BPGM: variants seen among roughly 807,000 people sequenced by gnomAD.
The protein encoded by BPGM is 2,3-bisphosphoglycerate mutase, erythrocyte.
Under a neutral mutation model 21.6 loss-of-function variants are expected in BPGM, and 15 were observed. The ratio of observed to expected loss-of-function variants is 0.70; its 90% CI spans 0.47 to 1.07. The LOEUF (loss-of-function observed/expected upper bound fraction) is 1.07, where lower values mean the gene tolerates loss of function less well. Among genes scored for constraint, BPGM ranks in the 50% least tolerant of loss-of-function variants. BPGM has a pLI of 0.00. For missense variants in BPGM, 273 were observed against 319.0 expected (o/e 0.86, Z 1.10); for synonymous variants, 113 against 116.2 (o/e 0.97, Z 0.18).
intron 2 of BPGM, among the ~76,000 whole-genome samples, chr7:134,668,906 T>G (rs1277919352): frequency 6.6e-6 from 1 of 151,982 alleles, no homozygotes; most frequent in African/African-American, 2.4e-5. Context: ...ATTGGTGGGG[T>G]AAGAGTAGGC....
At chr7:134,669,735 A>G (rs1795875936) in intron 2 of BPGM, among the ~76,000 whole-genome samples, 1 of 152,176 alleles carries the variant, frequency 6.6e-6, no homozygotes, top group Admixed American at 6.6e-5. Context: ...AGATTGCTTT[A>G]CTTTTAATCT....
At chr7:134,657,839 G>C (rs1341423613) in intron 1 of BPGM, among the ~76,000 whole-genome samples, 1 of 152,114 alleles carries the variant, frequency 6.6e-6, no homozygotes, top group African/African-American at 2.4e-5. Flanking sequence ...GGGGATTAGA[G>C]GGTCTGTCCT....
At chr7:134,650,811 G>A (rs149139288) in intron 1 of BPGM, among the ~76,000 whole-genome samples, 89 of 152,276 alleles carry the variant, frequency 5.8e-4, no homozygotes, top group African/African-American at 1.8e-3. Flanking sequence ...TGTGGTCCCC[G>A]CTACTCAGGA....
At chr7:134,671,895 T>C (rs539240954) in intron 2 of BPGM, among the ~76,000 whole-genome samples, 1 of 152,322 alleles carries the variant, frequency 6.6e-6, no homozygotes, top group Non-Finnish European at 1.5e-5. Context: ...TTGTTCCTGC[T>C]CTCAAGGAAT....
At chr7:134,676,393 T>A (rs529692261) in intron 2 of BPGM, among the ~76,000 whole-genome samples, 1 of 152,274 alleles carries the variant, frequency 6.6e-6, no homozygotes, top group African/African-American at 2.4e-5. Context: ...ACTTTTGTTA[T>A]CTTTTAACAA....
intron 2 of BPGM, among the ~76,000 whole-genome samples, chr7:134,673,400 G>A (rs1049253546): frequency 2.6e-5 from 4 of 151,962 alleles, no homozygotes; most frequent in African/African-American, 4.8e-5. Context: ...ATATTACGGC[G>A]GCCTTTGTTT....
chr7:134,669,646 T>C (rs1382670733), intron 2 of BPGM, among the ~76,000 whole-genome samples: 3 of 152,214 alleles, frequency 2.0e-5, no homozygotes, highest in Non-Finnish European at 4.4e-5. Context: ...ACAGGCTTCC[T>C]GGCTGATGGG....
intron 1 of BPGM, chr7:134,647,409 T>A (rs997040462): frequency 1.3e-5 from 2 of 152,090 alleles, no homozygotes; most frequent in Non-Finnish European, 2.9e-5. Flanking sequence ...GAGAAGGAGG[T>A]GAATATATGC....
chr7:134,656,129 T>C (rs1795633742), intron 1 of BPGM, among the ~76,000 whole-genome samples: 1 of 152,144 alleles, frequency 6.6e-6, no homozygotes, highest in Non-Finnish European at 1.5e-5. Context: ...ACCTACTAAA[T>C]CAAGCTCTGG....
chr7:134,648,853 A>G (rs946120640), intron 1 of BPGM, among the ~76,000 whole-genome samples: 1 of 152,216 alleles, frequency 6.6e-6, no homozygotes, highest in African/African-American at 2.4e-5. Flanking sequence ...TATCTGAGAT[A>G]TAAACTCTGT....
chr7:134,679,127 G>A lies in BPGM; in HGVS notation c.*96G>A. 7.2e-7 allele frequency: 1 copy of A among 1,396,150 alleles called. No individual in the cohort carries two copies. Among genetic ancestry groups the A allele is most frequent in the Non-Finnish European group, 9.9e-7 (1 of 1,008,544 alleles). The allele number at this position is 1,396,150 out of a possible 1,614,324, so 86.5% of individuals were successfully genotyped here. ...CTCTCTCTTTTTCCCCGATTTTCCA[G>A]AGCTAGGCTGTGGAGTAGAGTTTGT... is the stretch of plus-strand genomic sequence containing the variant. On this transcript the variant is annotated 3_prime_UTR_variant, in exon 3 of 3. Coordinates refer to ENST00000344924, the MANE Select transcript of BPGM (RefSeq NM_001724.5).
chr7:134,667,319 T>C (rs754764303), intron 2 of BPGM, among the ~76,000 whole-genome samples: 51 of 152,198 alleles, frequency 3.4e-4, no homozygotes, highest in Admixed American at 1.3e-3. Flanking sequence ...CATTTTGTGG[T>C]TAATGCCTGT....
chr7:134,654,192 T>C (rs1448964773), intron 1 of BPGM, among the ~76,000 whole-genome samples: 1 of 152,184 alleles, frequency 6.6e-6, no homozygotes, highest in Non-Finnish European at 1.5e-5. Flanking sequence ...ATATTCCTCA[T>C]AGGCCTAGCA....
intron 2 of BPGM, among the ~76,000 whole-genome samples, chr7:134,676,832 C>T (rs557522580): frequency 1.3e-5 from 2 of 152,320 alleles, no homozygotes; most frequent in South Asian, 4.1e-4. Context: ...GCTCAGTGGT[C>T]ACCTGACTCC....
chr7:134,657,405 C>G (rs1450983550), intron 1 of BPGM, among the ~76,000 whole-genome samples: 1 of 152,116 alleles, frequency 6.6e-6, no homozygotes, highest in Non-Finnish European at 1.5e-5. Flanking sequence ...TTTCTAAGAC[C>G]AGTAGGAAGA....
chr7:134,663,844 C>T lies in BPGM; in HGVS notation c.601+1736C>T, dbSNP rs115589754. On this transcript the variant is annotated intron_variant, in intron 2 of 2. Transcript: ENST00000344924. ...TCTTTAAAACGATTCTACAGCCCAA[C>T]CACAGCTCATTGTACACATCCCCTC... Among the ~76,000 whole-genome samples the T allele has an allele frequency of 4.5e-3, 678 of 152,298 alleles. 9 individuals are homozygous for T. Among genetic ancestry groups the T allele is most frequent in the African/African-American group, 0.016 (656 of 41,564 alleles).
intron 2 of BPGM, among the ~76,000 whole-genome samples, chr7:134,667,090 C>T (rs764396005): frequency 2.6e-5 from 4 of 152,064 alleles, no homozygotes; most frequent in Non-Finnish European, 5.9e-5. Flanking sequence ...AACTTACCAA[C>T]CTAAAAGAAA....
At chr7:134,659,764 C>T (rs114579448) in intron 1 of BPGM, among the ~76,000 whole-genome samples, 1,859 of 152,256 alleles carry the variant, frequency 0.012, 56 homozygotes, top group African/African-American at 0.043. Context: ...CATGCACCAC[C>T]TAATGATGTT....
chr7:134,675,794 G>T (rs913561596), intron 2 of BPGM, among the ~76,000 whole-genome samples: 1 of 152,084 alleles, frequency 6.6e-6, no homozygotes, highest in African/African-American at 2.4e-5. Context: ...GGATTGTATT[G>T]AATCTGTATG....
Sources: gnomAD v4.1 joint callset for allele counts (sites outside exome capture counted in the v4.1 genomes callset) on GRCh38, gnomAD v4.1.1 for gene constraint, MANE v1.5 for transcripts, NCBI Gene and HGNC (gene_info 2026-07-23, HGNC 2026-07-21) for gene names.